Variants in TLN2 observed in about 807,000 individuals in gnomAD.
TLN2 encodes the protein talin-2.
Under a neutral mutation model 294.7 loss-of-function variants are expected in TLN2, and 118 were observed. That is an observed-to-expected ratio of 0.40 (90% CI 0.34 to 0.47). The LOEUF (loss-of-function observed/expected upper bound fraction) is 0.47. Ranked by LOEUF, TLN2 falls within the 20% of genes least tolerant of loss-of-function variation. TLN2 has a pLI of 0.84. For synonymous variants in TLN2, 1,431 were observed against 1,304.5 expected, an observed-to-expected ratio of 1.10 and a Z score of -2.09; for missense variants, 3,083 against 3,282.2, an observed-to-expected ratio of 0.94 and a Z score of 1.48.
At chr15:62,777,328 G>A (rs1160607404) in intron 43 of TLN2, among the ~76,000 whole-genome samples, 4 of 151,996 alleles carry the variant, frequency 2.6e-5, no homozygotes, top group Admixed American at 2.0e-4. Context: ...CCTGAGGTCG[G>A]GAGTTCGAGA....
At chr15:62,526,519 G>C (rs1000277814) in intron 1 of TLN2, among the ~76,000 whole-genome samples, 2 of 152,150 alleles carry the variant, frequency 1.3e-5, no homozygotes, top group African/African-American at 4.8e-5. Flanking sequence ...AGCCAGCACT[G>C]TGAGCCAATC....
intron 12 of TLN2, among the ~76,000 whole-genome samples, chr15:62,689,068 C>CTTTTTTTTTTT (rs796645804): frequency 8.6e-6 from 1 of 116,642 alleles, no homozygotes; most frequent in Non-Finnish European, 1.8e-5. Context: ...TTCTCTCTCT[C>CTTTTTTTTTTT]TTTTTTTTTT....
At chr15:62,574,037 A>G (rs2044166406) in intron 1 of TLN2, among the ~76,000 whole-genome samples, 1 of 152,020 alleles carries the variant, frequency 6.6e-6, no homozygotes, top group South Asian at 2.1e-4. Context: ...TTAAGGAAGG[A>G]GCCTTGGGAC....
chr15:62,465,771 G>A (rs901365797), intron 1 of TLN2, among the ~76,000 whole-genome samples: 4 of 152,212 alleles, frequency 2.6e-5, no homozygotes, highest in African/African-American at 9.7e-5. Context: ...AGTTGCAGCT[G>A]TGCTGTTTTT....
intron 1 of TLN2, among the ~76,000 whole-genome samples, chr15:62,398,792 G>A (rs978119688): frequency 2.6e-5 from 4 of 152,172 alleles, no homozygotes; most frequent in Admixed American, 6.5e-5. Context: ...AGAGCATTTA[G>A]GAGGTGACAG....
intron 1 of TLN2, among the ~76,000 whole-genome samples, chr15:62,506,602 G>C (rs887125330): frequency 2.8e-4 from 42 of 152,162 alleles, no homozygotes; most frequent in African/African-American, 1.0e-3. Context: ...ATGGAGGTTG[G>C]GGGAGTTTTA....
At chr15:62,653,805 A>C (rs1046344230) in intron 7 of TLN2, among the ~76,000 whole-genome samples, 5 of 152,312 alleles carry the variant, frequency 3.3e-5, no homozygotes, top group African/African-American at 1.2e-4. Flanking sequence ...TCTTAATATC[A>C]GATATACAAA....
intron 58 of TLN2, among the ~76,000 whole-genome samples, chr15:62,839,844 C>T (rs1219236275): frequency 2.0e-5 from 3 of 152,210 alleles, no homozygotes; most frequent in Non-Finnish European, 4.4e-5. Context: ...GAGAATACTG[C>T]ATTCAATAAC....
intron 1 of TLN2, among the ~76,000 whole-genome samples, chr15:62,487,087 A>C (rs1030647870): frequency 6.6e-6 from 1 of 152,130 alleles, no homozygotes; most frequent in African/African-American, 2.4e-5. Context: ...GGAGTGGAAA[A>C]ACTAGATTAG....
At chr15:62,541,406 G>A (rs538522905) in intron 1 of TLN2, among the ~76,000 whole-genome samples, 21 of 152,050 alleles carry the variant, frequency 1.4e-4, no homozygotes, top group Middle Eastern at 3.4e-3. Context: ...TTCTGTTTCC[G>A]GCCTGGAATT....
chr15:62,840,425 G>A, intron 58 of TLN2, 57 bp from the exon 59 acceptor site: 1 of 1,599,110 alleles, frequency 6.3e-7, no homozygotes, highest in African/African-American at 1.3e-5. Context: ...CAGTGGGGTG[G>A]GTCGGAGGGT....
chr15:62,408,325 C>T (rs1484487201), intron 1 of TLN2, among the ~76,000 whole-genome samples: 1 of 152,146 alleles, frequency 6.6e-6, no homozygotes, highest in Non-Finnish European at 1.5e-5. Context: ...ATGCACAGTG[C>T]AGAAGAAACA....
intron 1 of TLN2, among the ~76,000 whole-genome samples, chr15:62,392,315 A>C (rs1389400124): frequency 1.3e-5 from 2 of 152,222 alleles, no homozygotes; most frequent in African/African-American, 4.8e-5. Context: ...AATGAACTGA[A>C]GTGTTGGCGT....
intron 6 of TLN2, 91 bp from the exon 7 acceptor site, chr15:62,653,071 A>C: frequency 1.2e-5 from 13 of 1,079,422 alleles, no homozygotes; most frequent in East Asian, 2.8e-5. Flanking sequence ...CTTTGCCACC[A>C]GGAGCTCCTT....
At chr15:62,508,650 A>G (rs1170074151) in intron 1 of TLN2, among the ~76,000 whole-genome samples, 2 of 152,270 alleles carry the variant, frequency 1.3e-5, no homozygotes, top group African/African-American at 2.4e-5. Context: ...AAAAAAGGTA[A>G]TACCTTGGAA....
At position 62,820,642 on chromosome 15, in the gene TLN2, G is replaced by C. The variant is rs2067483597; in HGVS notation, c.7002+32G>C. 5 of 1,603,478 alleles carry C rather than the reference G, an allele frequency of 3.1e-6. No individual in the cohort carries two copies. The East Asian group carries it at 1.1e-4, about 36-fold the overall frequency. On this transcript the variant is annotated intron_variant, in intron 54 of 58. Transcript: ENST00000636159. The stretch of plus-strand genomic sequence containing the variant: ...GTTCATTTATGGTTGGCTGTCCGAT[G>C]TCAGTGGGTTCTTCCAGTGGGTGGC...
intron 31 of TLN2, among the ~76,000 whole-genome samples, chr15:62,740,181 A>G (rs1487050971): frequency 3.3e-5 from 5 of 152,060 alleles, no homozygotes; most frequent in Non-Finnish European, 5.9e-5. Flanking sequence ...CGAGTCAGGA[A>G]CTTCAGGGAT....
chr15:62,590,059 T>G (rs2045961879), intron 2 of TLN2, among the ~76,000 whole-genome samples: 1 of 152,188 alleles, frequency 6.6e-6, no homozygotes, highest in African/African-American at 2.4e-5. Context: ...GTGTGAATTC[T>G]CATTCACTCA....
chr15:62,475,193 T>A (rs766517651), intron 1 of TLN2, among the ~76,000 whole-genome samples: 3 of 152,218 alleles, frequency 2.0e-5, no homozygotes, highest in Admixed American at 1.3e-4. Context: ...CTAAGAGATA[T>A]GGTAATTTAA....
Sources: gnomAD v4.1 joint callset for allele counts (sites outside exome capture counted in the v4.1 genomes callset) on GRCh38, gnomAD v4.1.1 for gene constraint, MANE v1.5 for transcripts, NCBI Gene and HGNC (gene_info 2026-07-23, HGNC 2026-07-21) for gene names.